The following AGAP1 variants were observed in gnomAD, a reference collection of about 807,000 sequenced individuals.
AGAP1 encodes the protein ArfGAP with GTPase domain, ankyrin repeat and PH domain 1.
In AGAP1, 29 loss-of-function variants were observed where a neutral mutation model predicts 105.3. That is an observed-to-expected ratio of 0.28 (90% CI 0.21 to 0.38). The LOEUF (loss-of-function observed/expected upper bound fraction) is 0.38. AGAP1 is among the 10% of genes least tolerant of loss of function. AGAP1 has a pLI of 1.00. For missense variants in AGAP1, 998 were observed against 1,165.1 expected (o/e 0.86, Z 2.09); for synonymous variants, 509 against 485.9 (o/e 1.05, Z -0.63).
chr2:235,768,850 G>T (rs969402767), intron 6 of AGAP1, among the ~76,000 whole-genome samples: 10 of 152,212 alleles, frequency 6.6e-5, no homozygotes, highest in African/African-American at 2.4e-4. Context: ...AGTTTGGCCA[G>T]CGCTGCAGCT....
In AGAP1 at chr2:236,090,594, G is replaced by A. The variant is rs1396619711; in HGVS notation, c.2115-29598G>A. ...TTCCTCCTGCAGCGTGTTTCCAGTTGTTCGGATTTTTGTGTTATTTTCATC... is the reference window on the plus strand; with the variant it reads ...TTCCTCCTGCAGCGTGTTTCCAGTTATTCGGATTTTTGTGTTATTTTCATC... On this transcript the variant is annotated intron_variant, in intron 16 of 17. Transcript: ENST00000304032. The surrounding 1 kb of genome is among the most constrained non-coding windows in gnomAD (Gnocchi z 4.3). Among the ~76,000 whole-genome samples the A allele has an allele frequency of 6.6e-6, 1 of 152,192 alleles. No homozygotes were observed. The highest frequency in any genetic ancestry group is 1.5e-5 in the Non-Finnish European group (1 of 68,038).
In AGAP1 at chr2:235,586,503, C is replaced by T. The variant is rs1945117379; in HGVS notation, c.163+91654C>T. ...TCACAGCAGTCAAGGCTGCCACGAG[C>T]AAGTATTTTGAGTGCTCCTTATGTC... On this transcript the variant is annotated intron_variant, in intron 1 of 17. Transcript: ENST00000304032. This position sits in a 1 kb window ranked among gnomAD's most constrained non-coding sequence, Gnocchi z 4.2. Among the ~76,000 whole-genome samples, 1 of 152,222 alleles carries T rather than the reference C, an allele frequency of 6.6e-6. No individual in the cohort carries two copies. The highest frequency in any genetic ancestry group is 1.5e-5 in the Non-Finnish European group (1 of 68,046).
At chr2:235,946,587 A>T (rs1433496374) in intron 12 of AGAP1, among the ~76,000 whole-genome samples, 1 of 152,158 alleles carries the variant, frequency 6.6e-6, no homozygotes, top group East Asian at 1.9e-4. Flanking sequence ...AAATTTCGAC[A>T]CTCTCAGTGT....
intron 13 of AGAP1, among the ~76,000 whole-genome samples, chr2:235,990,325 A>G (rs2055507659): frequency 6.6e-6 from 1 of 152,160 alleles, no homozygotes; most frequent in Non-Finnish European, 1.5e-5. Context: ...GTTCCCTGCA[A>G]AGACGCTTCC....
At chr2:235,996,438 A>G (rs2055819381) in intron 13 of AGAP1, among the ~76,000 whole-genome samples, 2 of 152,272 alleles carry the variant, frequency 1.3e-5, no homozygotes, top group Admixed American at 1.3e-4. Flanking sequence ...AATAGTAAAC[A>G]GGTGAGCATT....
intron 13 of AGAP1, among the ~76,000 whole-genome samples, chr2:235,978,005 G>T (rs946446777): frequency 6.6e-6 from 1 of 152,070 alleles, no homozygotes. Context: ...CCCTTTTCTT[G>T]CTGTGTCCTC....
chr2:235,765,342 G>C (rs564352775), intron 6 of AGAP1, among the ~76,000 whole-genome samples: 5 of 151,918 alleles, frequency 3.3e-5, no homozygotes, highest in Admixed American at 3.3e-4. Flanking sequence ...GGGCACCTGC[G>C]AGCGCCCGTG....
chr2:235,529,737 T>G (rs1942979589), intron 1 of AGAP1, among the ~76,000 whole-genome samples: 1 of 152,118 alleles, frequency 6.6e-6, no homozygotes, highest in Non-Finnish European at 1.5e-5. Context: ...CTGTTGGGAA[T>G]TTTGGAAGTA....
At chr2:235,802,947 G>GTTGTGA in intron 8 of AGAP1, among the ~76,000 whole-genome samples, 1 of 97,290 alleles carries the variant, frequency 1.0e-5, no homozygotes, top group South Asian at 3.9e-4. Flanking sequence ...GGTTGTAATG[G>GTTGTGA]TGGTGATGAT....
chr2:236,055,196 C>T lies in AGAP1; in HGVS notation c.2114+5915C>T, dbSNP rs1049175837. Among the ~76,000 whole-genome samples the T allele has an allele frequency of 7.2e-5, 11 of 152,076 alleles. No individual in the cohort carries two copies. The highest frequency in any genetic ancestry group is 1.9e-4 in the African/African-American group (8 of 41,416). ...TGCAGAGGGTTCAGGGAGCTGGGGG[C>T]TCGTTTGGAGTTTTAATCAGCCTGT... On this transcript the variant is annotated intron_variant, in intron 16 of 17. Coordinates refer to ENST00000304032, the MANE Select transcript of AGAP1 (RefSeq NM_001037131.3). This position sits in a 1 kb window ranked among gnomAD's most constrained non-coding sequence, Gnocchi z 6.2.
At chr2:235,603,071 C>T (rs1945786988) in intron 1 of AGAP1, among the ~76,000 whole-genome samples, 1 of 152,120 alleles carries the variant, frequency 6.6e-6, no homozygotes, top group Non-Finnish European at 1.5e-5. Flanking sequence ...AATTATAGCT[C>T]CCATAATTCC....
chr2:236,099,698 G>A (rs1178484033), intron 16 of AGAP1, among the ~76,000 whole-genome samples: 1 of 151,962 alleles, frequency 6.6e-6, no homozygotes, highest in Non-Finnish European at 1.5e-5. Context: ...GAAAGCAGCT[G>A]GGCTCTCCAG....
At position 235,958,018 on chromosome 2, in the gene AGAP1, G is replaced by A. The variant is rs149221359; in HGVS notation, c.1484-10444G>A. Among the ~76,000 whole-genome samples, 101 of 152,280 alleles carry A rather than the reference G, an allele frequency of 6.6e-4. No individual in the cohort carries two copies. In the East Asian group the frequency reaches 0.017, roughly 25 times the overall value. ...GCAGGGGCAGGGGGCCGATACATAC[G>A]TGCTTAGCATTTTCCTCTCTCTTTT... is the stretch of plus-strand genomic sequence containing the variant. On this transcript the variant is annotated intron_variant, in intron 12 of 17. Coordinates refer to ENST00000304032, the MANE Select transcript of AGAP1 (RefSeq NM_001037131.3). The surrounding 1 kb of genome is among the most constrained non-coding windows in gnomAD (Gnocchi z 4.1).
rs1559288397 is a variant in AGAP1, at chr2:235,612,008, TACTG to T, written c.164-97169_164-97166del. On this transcript the variant is annotated intron_variant, in intron 1 of 17. Coordinates refer to ENST00000304032, the MANE Select transcript of AGAP1 (RefSeq NM_001037131.3). The surrounding 1 kb of genome is among the most constrained non-coding windows in gnomAD (Gnocchi z 4.3). ...TCCCTGCTAGGCAGTCCTCCATCAA[TACTG>T]ATGTTAATAATTATGTAAAATCATT... 2.0e-5 allele frequency among the ~76,000 whole-genome samples: 3 copies of T among 152,200 alleles called. No homozygotes were observed. Among genetic ancestry groups the T allele is most frequent in the African/African-American group, 4.8e-5 (2 of 41,458 alleles).
chr2:235,773,864 T>G (rs1955649598), intron 6 of AGAP1: 1 of 441,154 alleles, frequency 2.3e-6, no homozygotes, highest in African/African-American at 2.1e-5. Context: ...CTCGAAAATA[T>G]TGCCAACATT....
rs1446721914 is a variant in AGAP1 at position 235,582,591 on chromosome 2, GA to G, written c.163+87744del. On this transcript the variant is annotated intron_variant, in intron 1 of 17. Coordinates refer to ENST00000304032, the MANE Select transcript of AGAP1 (RefSeq NM_001037131.3). This position sits in a 1 kb window ranked among gnomAD's most constrained non-coding sequence, Gnocchi z 4.7. The stretch of plus-strand genomic sequence containing the variant: ...CATTTTGAGCTTCTCAGATATAAAA[GA>G]AGGATTCTTTGGGGGAGGACCTATA... 6.6e-6 allele frequency among the ~76,000 whole-genome samples: 1 copy of G among 152,236 alleles called. No homozygotes were observed. Among genetic ancestry groups the G allele is most frequent in the Non-Finnish European group, 1.5e-5 (1 of 68,042 alleles).
intron 11 of AGAP1, among the ~76,000 whole-genome samples, chr2:235,909,987 C>T (rs1414944143): frequency 6.6e-6 from 1 of 151,306 alleles, no homozygotes; most frequent in Non-Finnish European, 1.5e-5. Flanking sequence ...CGCCACTGCA[C>T]TCCAGCCTGG....
rs1470172749 is a variant in AGAP1, at chr2:235,769,173, G to A, written c.673+18685G>A. Among the ~76,000 whole-genome samples, 1 of 152,150 alleles carries A rather than the reference G, an allele frequency of 6.6e-6. No homozygotes were observed. Among genetic ancestry groups the A allele is most frequent in the African/African-American group, 2.4e-5 (1 of 41,448 alleles). ...CCGTCCCCCGTAGCTCCGTCACACA[G>A]TCCTGTTGCTGCTACCTTGGGGCCC... On this transcript the variant is annotated intron_variant, in intron 6 of 17. Coordinates refer to ENST00000304032, the MANE Select transcript of AGAP1 (RefSeq NM_001037131.3). The surrounding 1 kb of genome is among the most constrained non-coding windows in gnomAD (Gnocchi z 4.4).
intron 6 of AGAP1, among the ~76,000 whole-genome samples, chr2:235,795,750 G>A (rs1395011011): frequency 2.0e-5 from 3 of 152,150 alleles, no homozygotes; most frequent in Non-Finnish European, 4.4e-5. Context: ...TGGTAGAATA[G>A]TAATTAAATG....
Sources: allele counts gnomAD v4.1 joint callset (sites outside exome capture counted in the v4.1 genomes callset), GRCh38; gene constraint gnomAD v4.1.1; non-coding constraint Gnocchi (gnomAD v3.1); transcripts MANE v1.5; gene names NCBI Gene and HGNC (gene_info 2026-07-23, HGNC 2026-07-21).